The following ARID3B variants were observed in gnomAD, a reference collection of about 807,000 sequenced individuals.
ARID3B encodes the protein AT-rich interactive domain-containing protein 3B.
A neutral mutation model predicts 51.9 loss-of-function variants in ARID3B; 10 were observed. That is an observed-to-expected ratio of 0.19 (90% CI 0.12 to 0.33). The LOEUF is 0.33. Ranked by LOEUF, ARID3B falls within the 10% of genes least tolerant of loss-of-function variation. The pLI, the probability that ARID3B is intolerant of heterozygous loss-of-function variation, is 1.00. For synonymous variants in ARID3B, 205 were observed against 279.5 expected (o/e 0.73, Z 2.66); for missense variants, 483 against 716.3 (o/e 0.67, Z 3.72).
intron 2 of ARID3B, among the ~76,000 whole-genome samples, chr15:74,551,661 C>T (rs767418845): frequency 6.6e-6 from 1 of 152,168 alleles, no homozygotes; most frequent in Non-Finnish European, 1.5e-5. Flanking sequence ...CAACAAAAAC[C>T]TTTAATCTTA....
chr15:74,556,324 A>AT (rs1256555104), intron 2 of ARID3B, among the ~76,000 whole-genome samples: 7 of 152,282 alleles, frequency 4.6e-5, no homozygotes, highest in Admixed American at 2.6e-4. Flanking sequence ...TACATACAAC[A>AT]TTTATCAGTG....
chr15:74,560,830 G>C (rs1393153656), intron 2 of ARID3B, among the ~76,000 whole-genome samples: 3 of 152,158 alleles, frequency 2.0e-5, no homozygotes, highest in Non-Finnish European at 2.9e-5. Context: ...TGGTGGGATA[G>C]ATTATTATAG....
At chr15:74,567,276 A>C (rs1483867981) in intron 2 of ARID3B, among the ~76,000 whole-genome samples, 1 of 152,066 alleles carries the variant, frequency 6.6e-6, no homozygotes, top group Non-Finnish European at 1.5e-5. Context: ...CCTTCAACCC[A>C]TTCTTCAAGG....
intron 2 of ARID3B, among the ~76,000 whole-genome samples, chr15:74,559,346 G>A (rs1266920228): frequency 6.6e-6 from 1 of 152,194 alleles, no homozygotes; most frequent in Non-Finnish European, 1.5e-5. Context: ...TTCTATGTGA[G>A]GTTTTCTTTG....
At chr15:74,580,403 G>A (rs933415176) in intron 4 of ARID3B, among the ~76,000 whole-genome samples, 8 of 152,158 alleles carry the variant, frequency 5.3e-5, no homozygotes, top group African/African-American at 1.9e-4. Context: ...CTTCATCAGT[G>A]AGGAAGAAAA....
intron 1 of ARID3B, 142 bp from the exon 2 acceptor site, chr15:74,543,718 C>T (rs2061602832): frequency 3.8e-6 from 2 of 525,222 alleles, no homozygotes; most frequent in African/African-American, 3.8e-5. Context: ...ACCACTCACT[C>T]ATCTTAAAAC....
chr15:74,546,384 A>AGCGTCT (rs1156617130), intron 2 of ARID3B, among the ~76,000 whole-genome samples: 1 of 152,334 alleles, frequency 6.6e-6, no homozygotes, highest in Non-Finnish European at 1.5e-5. Context: ...GCAGCTGGCC[A>AGCGTCT]GCGTCTGCGT....
intron 1 of ARID3B, among the ~76,000 whole-genome samples, chr15:74,541,538 AT>A (rs1242548256): frequency 6.6e-6 from 1 of 151,852 alleles, no homozygotes; most frequent in African/African-American, 2.4e-5. Context: ...AGCGTTTGAG[AT>A]AAAGCGATGA....
chr15:74,591,867 C>T lies in ARID3B; in HGVS notation c.1420+53C>T. On this transcript the variant is annotated intron_variant, in intron 7 of 8. Transcript: ENST00000346246. This position sits in a 1 kb window ranked among gnomAD's most constrained non-coding sequence, Gnocchi z 5.8. ...CCTTCCTGGAAACCCCAAGCCCATT[C>T]ACGCCTCCTGGGACTGGTGGGGCAG... 6.3e-7 allele frequency: 1 copy of T among 1,585,112 alleles called. No individual in the cohort carries two copies. The highest frequency in any genetic ancestry group is 8.6e-7 in the Non-Finnish European group (1 of 1,162,838).
In ARID3B at chr15:74,590,043, A is replaced by G. The variant is rs1596264738; in HGVS notation, c.881+40A>G. ...CCTGGGAGAAGGAAGCTGAGGCTGG[A>G]GAAAGGGGATGTTGTAACCTAGAGG... On this transcript the variant is annotated intron_variant, in intron 5 of 8. Transcript: ENST00000346246. 18 of 1,551,006 alleles carry G rather than the reference A, an allele frequency of 1.2e-5. No homozygotes were observed. In the East Asian group the frequency reaches 4.2e-4, roughly 36 times the overall value.
chr15:74,584,850 C>T (rs1395799756), intron 4 of ARID3B, among the ~76,000 whole-genome samples: 1 of 152,164 alleles, frequency 6.6e-6, no homozygotes, highest in African/African-American at 2.4e-5. Flanking sequence ...GGGTTAAAGC[C>T]CCAGGAGTCC....
chr15:74,546,661 A>T (rs1006986197), intron 2 of ARID3B, among the ~76,000 whole-genome samples: 2 of 152,156 alleles, frequency 1.3e-5, no homozygotes, highest in Admixed American at 1.3e-4. Context: ...CTTTGCGTTC[A>T]CTTTATGTTT....
At chr15:74,574,627 T>C (rs2061730701) in intron 4 of ARID3B, 1 of 152,198 alleles carries the variant, frequency 6.6e-6, no homozygotes, top group Admixed American at 6.5e-5. Flanking sequence ...CCCCAGTCTC[T>C]AAGCCCATCA....
chr15:74,556,834 G>T (rs1470461274), intron 2 of ARID3B, among the ~76,000 whole-genome samples: 8 of 147,644 alleles, frequency 5.4e-5, no homozygotes, highest in African/African-American at 2.0e-4. Context: ...GAGTGCAGAG[G>T]TGCAATCTCG....
chr15:74,555,029 G>T (rs1043738261), intron 2 of ARID3B, among the ~76,000 whole-genome samples: 1 of 152,044 alleles, frequency 6.6e-6, no homozygotes, highest in African/African-American at 2.4e-5. Context: ...AGATGTTTGT[G>T]GTGATGGAGA....
chr15:74,579,872 T>TGTGCGC (rs1488209764), intron 4 of ARID3B, among the ~76,000 whole-genome samples: 173 of 118,956 alleles, frequency 1.5e-3, no homozygotes, highest in Admixed American at 2.2e-3. Context: ...TGTGTGTGTG[T>TGTGCGC]GCGCGCGCGC....
chr15:74,547,359 T>G (rs2061619875), intron 2 of ARID3B, among the ~76,000 whole-genome samples: 1 of 152,148 alleles, frequency 6.6e-6, no homozygotes, highest in Admixed American at 6.6e-5. Flanking sequence ...TTTTTTGTAT[T>G]TTTAGTAGAG....
rs1451039720 is a variant in ARID3B, at chr15:74,541,569, A to G, written c.-78+239A>G. Among the ~76,000 whole-genome samples, 3 of 151,490 alleles carry G rather than the reference A, an allele frequency of 2.0e-5. No homozygotes were observed. The East Asian group carries it at 5.8e-4, about 29-fold the overall frequency. ...CGATGAGAAGGGTGAGGGGCCCTGG[A>G]GCTGAGTGGGCGCGCAGATAGGTGG... On this transcript the variant is annotated intron_variant, in intron 1 of 8. Transcript: ENST00000346246.
At position 74,596,678 on chromosome 15, in the gene ARID3B, C is replaced by A. The variant is rs1232065008; in HGVS notation, c.*904C>A. On this transcript the variant is annotated 3_prime_UTR_variant, in exon 9 of 9. Transcript: ENST00000346246. The stretch of plus-strand genomic sequence containing the variant: ...GGGGCCATCTTGGCCTCACCATCCC[C>A]ACACGTGCCGATGTCAGGTTCATTG... The A allele has an allele frequency of 4.3e-6, 1 of 233,650 alleles. No individual in the cohort carries two copies. The highest frequency in any genetic ancestry group is 8.5e-6 in the Non-Finnish European group (1 of 118,082). The allele number at this position is 233,650 out of a possible 1,614,324, so 14.5% of individuals were successfully genotyped here. A position where few individuals can be genotyped will look rare whatever the true frequency, so the allele number is the denominator to read the frequency against.
Sources: allele counts gnomAD v4.1 joint callset (sites outside exome capture counted in the v4.1 genomes callset), GRCh38; gene constraint gnomAD v4.1.1; non-coding constraint Gnocchi (gnomAD v3.1); transcripts MANE v1.5; gene names NCBI Gene and HGNC (gene_info 2026-07-23, HGNC 2026-07-21).